The following UBE2J2 variants were observed in gnomAD, a reference collection of about 807,000 sequenced individuals.
UBE2J2 encodes ubiquitin-conjugating enzyme E2 J2.
UBE2J2 carries 5 observed loss-of-function variants against 28.6 expected under a neutral mutation model. That is an observed-to-expected ratio of 0.17 (90% CI 0.09 to 0.37). The LOEUF (loss-of-function observed/expected upper bound fraction) is 0.37. Among genes scored for constraint, UBE2J2 ranks in the 10% least tolerant of loss-of-function variants. UBE2J2 has a pLI of 1.00. For synonymous variants in UBE2J2, 138 were observed against 139.7 expected (o/e 0.99, Z 0.09); for missense variants, 226 against 338.9 (o/e 0.67, Z 2.62).
intron 6 of UBE2J2, among the ~76,000 whole-genome samples, chr1:1,255,726 G>A (rs1280735323): frequency 6.6e-6 from 1 of 152,246 alleles, no homozygotes; most frequent in Non-Finnish European, 1.5e-5. Flanking sequence ...CAAGACCAGG[G>A]AGCACTCCAG....
chr1:1,267,302 G>C (rs972719584), intron 2 of UBE2J2, among the ~76,000 whole-genome samples: 1 of 152,142 alleles, frequency 6.6e-6, no homozygotes, highest in Non-Finnish European at 1.5e-5. Context: ...TCACCATGAG[G>C]TGAATGCTTA....
At position 1,255,006 on chromosome 1, in the gene UBE2J2, C is replaced by T; in HGVS notation, c.*197G>A. The T allele has an allele frequency of 1.8e-6, 1 of 570,434 alleles. No individual in the cohort carries two copies. Among genetic ancestry groups the T allele is most frequent in the South Asian group, 2.8e-5 (1 of 35,872 alleles). 35.3% of individuals were successfully genotyped at this position (570,434 alleles called of 1,614,324 possible). On this transcript the variant is annotated 3_prime_UTR_variant, in exon 7 of 7. Transcript: ENST00000349431. ...CCACACCAGCCCCAGCGGCCCGTGG[C>T]CAGGACAGGGCTGAGGCTCCAGTCT...
rs1374588527 is a variant in UBE2J2, at chr1:1,263,252, G to T, written c.172+94C>A. ...ACTAGCACACATCCAAAGTAGAAAG[G>T]CTGCTGTTTGCAAATAAAAGATGTT... is the stretch of plus-strand genomic sequence containing the variant. On this transcript the variant is annotated intron_variant, in intron 3 of 6. Transcript: ENST00000349431. 6 of 1,166,726 alleles carry T rather than the reference G, an allele frequency of 5.1e-6. No individual in the cohort carries two copies. In the African/African-American group the frequency reaches 7.6e-5, roughly 15 times the overall value. The allele number at this position is 1,166,726 out of a possible 1,614,324, so 72.3% of individuals were successfully genotyped here. A position where few individuals can be genotyped will look rare whatever the true frequency, so the allele number is the denominator to read the frequency against.
intron 3 of UBE2J2, among the ~76,000 whole-genome samples, chr1:1,261,036 G>A (rs1463265534): frequency 6.6e-6 from 1 of 152,214 alleles, no homozygotes; most frequent in Non-Finnish European, 1.5e-5. Context: ...TGCACAGGCA[G>A]GAAAAGGGGT....
At position 1,256,994 on chromosome 1, in the gene UBE2J2, T is replaced by C. The variant is rs1272439097; in HGVS notation, c.412A>G (p.Thr138Ala). The C allele has an allele frequency of 2.6e-6, 4 of 1,543,402 alleles. No individual in the cohort carries two copies. Among genetic ancestry groups the C allele is most frequent in the Non-Finnish European group, 3.5e-6 (4 of 1,143,112 alleles). Residue 138 changes from threonine (T) to alanine (A), a missense_variant and splice_region_variant, in exon 5 of 7, where the codon ACG (threonine) becomes GCG (alanine). Physicochemically the swap from Thr to Ala is moderately conservative, Grantham distance 58 (BLOSUM62 0). This residue lies in a region of UBE2J2 where 133 missense variants were observed against 161.5 expected (regional missense o/e 0.82). Coordinates refer to ENST00000349431, the MANE Select transcript of UBE2J2 (RefSeq NM_058167.3). ...TLGSIETSDF[T>A]KRQLAVQSLA... ...CAGGGAGAGGCTCTAAAACTTACCG[T>C]GAAGTCCGACGTCTCTATACTGCCC...
chr1:1,266,960 C>T (rs988989675), intron 2 of UBE2J2, among the ~76,000 whole-genome samples: 12 of 151,932 alleles, frequency 7.9e-5, no homozygotes, highest in Non-Finnish European at 1.3e-4. Flanking sequence ...GTGATCTCAG[C>T]TCACTGCAAG....
In UBE2J2 at chr1:1,257,146, C is replaced by T; in HGVS notation, c.276-16G>A. The T allele has an allele frequency of 6.2e-7, 1 of 1,608,460 alleles. No individual in the cohort carries two copies. The highest frequency in any genetic ancestry group is 8.5e-7 in the Non-Finnish European group (1 of 1,176,804). Reference sequence around the variant, plus strand: ...AAGACACAGCCTGCAAAACGGGGGCCCCGTCAGTGCACACTCCCCACCGCA... The same window carrying T: ...AAGACACAGCCTGCAAAACGGGGGCTCCGTCAGTGCACACTCCCCACCGCA... On this transcript the variant is annotated splice_polypyrimidine_tract_variant and intron_variant, in intron 4 of 6. Transcript: ENST00000349431.
Position 1,256,114 on chromosome 1 carries a change from C to A in UBE2J2, c.426G>T (p.Leu142=), listed in dbSNP as rs1351029997. ...AATTAAATGCTAAACTCTGCACTGC[C>A]AGTTGTCTTTTCTAGGAAGGAAGGG... ...IETSDFTKRQ[L]AVQSLAFNLK... The change falls in exon 6 of 7, where the codon CTG becomes CTT. Residue 142 remains leucine, a synonymous_variant. Transcript: ENST00000349431. 6.2e-7 allele frequency: 1 copy of A among 1,611,712 alleles called. No homozygotes were observed. Among genetic ancestry groups the A allele is most frequent in the Admixed American group, 1.7e-5 (1 of 59,912 alleles).
Position 1,268,109 on chromosome 1 carries a change from CAG to C in UBE2J2, c.1-119_1-118del, listed in dbSNP as rs1364939126. 2 of 1,402,072 alleles carry C rather than the reference CAG, an allele frequency of 1.4e-6. No homozygotes were observed. The highest frequency in any genetic ancestry group is 2.0e-6 in the Non-Finnish European group (2 of 1,016,456). 86.9% of individuals were successfully genotyped at this position (1,402,072 alleles called of 1,614,324 possible). On this transcript the variant is annotated intron_variant, in intron 1 of 6. Transcript: ENST00000349431. This position sits in a 1 kb window ranked among gnomAD's most constrained non-coding sequence, Gnocchi z 4.7. ...GCCATTCATTCAGGGCCCGGTCACC[CAG>C]AGTCACAGCTCACAGGTCACCCTCG... is the stretch of plus-strand genomic sequence containing the variant.
Position 1,260,510 on chromosome 1 carries a change from C to T in UBE2J2, c.172+2836G>A, listed in dbSNP as rs57652168. 4.7e-3 allele frequency among the ~76,000 whole-genome samples: 717 copies of T among 152,338 alleles called. 6 individuals carry two copies. The highest frequency in any genetic ancestry group is 0.016 in the African/African-American group (664 of 41,566). ...TGCGCGCACACCTATCGGGAAGCCC[C>T]AGACGGCTATCCCACTGCTTGTCAC... On this transcript the variant is annotated intron_variant, in intron 3 of 6. Coordinates refer to ENST00000349431, the MANE Select transcript of UBE2J2 (RefSeq NM_058167.3).
At chr1:1,270,196 T>C (rs1348638561) in intron 1 of UBE2J2, among the ~76,000 whole-genome samples, 2 of 152,172 alleles carry the variant, frequency 1.3e-5, no homozygotes, top group Non-Finnish European at 2.9e-5. Flanking sequence ...CTTTTCTTTA[T>C]AAATTACTGA....
chr1:1,257,145 C>A lies in UBE2J2; in HGVS notation c.276-15G>T, dbSNP rs770519212. 22 of 1,608,218 alleles carry A rather than the reference C, an allele frequency of 1.4e-5. No homozygotes were observed. The highest frequency in any genetic ancestry group is 1.8e-5 in the Non-Finnish European group (21 of 1,176,760). On this transcript the variant is annotated splice_polypyrimidine_tract_variant and intron_variant, in intron 4 of 6. Transcript: ENST00000349431. The stretch of plus-strand genomic sequence containing the variant: ...AAAGACACAGCCTGCAAAACGGGGG[C>A]CCCGTCAGTGCACACTCCCCACCGC...
At chr1:1,261,760 C>T (rs756735743) in intron 3 of UBE2J2, among the ~76,000 whole-genome samples, 1 of 151,492 alleles carries the variant, frequency 6.6e-6, no homozygotes, top group Non-Finnish European at 1.5e-5. Context: ...GATTCTCCTG[C>T]CTCAGCCTCC....
intron 2 of UBE2J2, among the ~76,000 whole-genome samples, chr1:1,266,560 GC>G (rs1639875599): frequency 6.6e-6 from 1 of 152,046 alleles, no homozygotes; most frequent in Non-Finnish European, 1.5e-5. Context: ...GGTGGCTCAC[GC>G]CTGTAATCCC....
intron 5 of UBE2J2, 65 bp downstream of exon 5, chr1:1,256,926 AG>A: frequency 2.5e-6 from 3 of 1,201,400 alleles, no homozygotes; most frequent in Non-Finnish European, 3.3e-6. Flanking sequence ...GCTGCAACTC[AG>A]GAACAGAGAA....
At chr1:1,262,351 T>C (rs1217638454) in intron 3 of UBE2J2, 1 of 456,164 alleles carries the variant, frequency 2.2e-6, no homozygotes, top group East Asian at 7.0e-5. Flanking sequence ...ACTCCCGCAC[T>C]CTGGCTGCCC....
chr1:1,271,452 C>G (rs570738689), intron 1 of UBE2J2: 2 of 152,306 alleles, frequency 1.3e-5, no homozygotes, highest in Admixed American at 1.3e-4. Flanking sequence ...CATGGACAGC[C>G]GCGCAAAAAT....
At chr1:1,266,202 TG>T in intron 2 of UBE2J2, 2 of 1,280,454 alleles carry the variant, frequency 1.6e-6, no homozygotes, top group South Asian at 2.5e-5. Flanking sequence ...TCCGCCTGCC[TG>T]GGCTGGGCCT....
intron 2 of UBE2J2, among the ~76,000 whole-genome samples, chr1:1,265,912 C>T (rs1371235497): frequency 1.3e-5 from 2 of 152,108 alleles, no homozygotes; most frequent in Non-Finnish European, 2.9e-5. Context: ...GGATTACAGG[C>T]ATGAGCCACT....
Sources: gnomAD v4.1 joint callset for allele counts (sites outside exome capture counted in the v4.1 genomes callset) on GRCh38, gnomAD v4.1.1 for gene constraint, gnomAD v4.1.1 regional missense constraint, Gnocchi (gnomAD v3.1) non-coding constraint, MANE v1.5 for transcripts, NCBI Gene and HGNC (gene_info 2026-07-23, HGNC 2026-07-21) for gene names.